Variants in CEP68 observed in about 807,000 individuals in gnomAD.
CEP68 encodes centrosomal protein 68.
Under a neutral mutation model 55.3 loss-of-function variants are expected in CEP68, and 26 were observed. The observed-to-expected ratio is 0.47, with a 90% CI of 0.34 to 0.65. The LOEUF (loss-of-function observed/expected upper bound fraction) is 0.65, where lower values mean the gene tolerates loss of function less well. CEP68 is among the 30% of genes least tolerant of loss of function. The pLI is 0.01. For synonymous variants in CEP68, 402 were observed against 383.2 expected, an observed-to-expected ratio of 1.05 and a Z score of -0.57; for missense variants, 957 against 946.7, an observed-to-expected ratio of 1.01 and a Z score of -0.14.
chr2:65,067,076 T>TAAA (rs1374343163), intron 1 of CEP68, among the ~76,000 whole-genome samples: 7 of 143,064 alleles, frequency 4.9e-5, no homozygotes, highest in African/African-American at 1.8e-4. Context: ...TACTTTTATG[T>TAAA]AAAAAAAAAA....
intron 2 of CEP68, chr2:65,070,918 A>C (rs1676429124): frequency 6.4e-6 from 1 of 155,342 alleles, no homozygotes; most frequent in Non-Finnish European, 1.4e-5. Context: ...GTCCTTCAAC[A>C]CTGTGCTGTC....
At chr2:65,078,004 C>A in intron 5 of CEP68, 40 bp downstream of exon 5, 1 of 1,509,276 alleles carries the variant, frequency 6.6e-7, no homozygotes, top group Non-Finnish European at 9.2e-7. Context: ...AGAGCTTAAT[C>A]CCTGTCAGCA....
intron 1 of CEP68, among the ~76,000 whole-genome samples, chr2:65,062,264 T>C (rs1322007130): frequency 6.6e-6 from 1 of 152,196 alleles, no homozygotes; most frequent in Non-Finnish European, 1.5e-5. Context: ...CCAGGTGCGG[T>C]GACTCCCGCC....
intron 1 of CEP68, among the ~76,000 whole-genome samples, chr2:65,066,745 A>AATATATATATAT (rs1553384179): frequency 1.7e-4 from 10 of 58,394 alleles, no homozygotes; most frequent in Non-Finnish European, 2.1e-4. Context: ...AAAAAAAAAA[A>AATATATATATAT]ATATATATAT....
In CEP68 at chr2:65,072,231, C is replaced by T. The variant is rs774988713; in HGVS notation, c.1135C>T (p.Pro379Ser). Reference protein sequence around the residue: ...GPREPSLKQWPSRVPQKQGGM... With the variant: ...GPREPSLKQWSSRVPQKQGGM... ...CAGAGAGCCAAGCCTTAAGCAGTGG[C>T]CCTCCAGAGTACCCCAGAAACAGGG... Residue 379 changes from proline (P) to serine (S), a missense_variant, in exon 3 of 7, where the codon CCC becomes TCC. Pro to Ser is a moderately conservative substitution (Grantham distance 74). Coordinates refer to ENST00000377990, the MANE Select transcript of CEP68 (RefSeq NM_015147.3). The T allele has an allele frequency of 1.9e-6, 3 of 1,614,128 alleles. No homozygotes were observed. Among genetic ancestry groups the T allele is most frequent in the Non-Finnish European group, 2.5e-6 (3 of 1,180,024 alleles).
rs1457583185 is a variant in CEP68, at chr2:65,072,940, G to A, written c.1844G>A (p.Gly615Glu). ...PDVEGQLPRKGGEQGKESLVQ... is the reference protein window; with the variant it reads ...PDVEGQLPRKEGEQGKESLVQ... ...GTTGAAGGGCAGCTTCCCAGGAAAG[G>A]AGGAGAACAGGGAAAAGAATCACTG... Residue 615 changes from glycine to glutamate, a missense_variant, in exon 3 of 7, where the codon GGA (glycine) becomes GAA (glutamate). Gly to Glu is a moderately conservative substitution (Grantham distance 98). Transcript: ENST00000377990. 1 of 1,603,126 alleles carries A rather than the reference G, an allele frequency of 6.2e-7. No individual in the cohort carries two copies. Among genetic ancestry groups the A allele is most frequent in the South Asian group, 1.1e-5 (1 of 91,064 alleles).
At chr2:65,057,210 C>T (rs1478930638) in intron 1 of CEP68, among the ~76,000 whole-genome samples, 3 of 152,192 alleles carry the variant, frequency 2.0e-5, no homozygotes, top group Non-Finnish European at 4.4e-5. Flanking sequence ...TGAGCGGAAG[C>T]CTGCCAGGGC....
In CEP68 at chr2:65,069,544, C is replaced by T; in HGVS notation, c.100C>T (p.Pro34Ser). The T allele has an allele frequency of 6.2e-7, 1 of 1,608,632 alleles. No homozygotes were observed. The highest frequency in any genetic ancestry group is 1.1e-5 in the South Asian group (1 of 90,514). Reference sequence around the variant, plus strand: ...CTGCAGGGAGCGGGAGCTGGACATCCCAGGGCCCATGAGTGGGGAGCAGCC... The same window carrying T: ...CTGCAGGGAGCGGGAGCTGGACATCTCAGGGCCCATGAGTGGGGAGCAGCC... ...GSCRERELDIPGPMSGEQPPR... is the reference protein window; with the variant it reads ...GSCRERELDISGPMSGEQPPR... Residue 34 changes from proline to serine, a missense_variant, in exon 2 of 7, where the codon CCA becomes TCA. By Grantham distance (74) the Pro-to-Ser change is moderately conservative (BLOSUM62 -1). Coordinates refer to ENST00000377990, the MANE Select transcript of CEP68 (RefSeq NM_015147.3).
chr2:65,061,114 T>C (rs1434551205), intron 1 of CEP68, among the ~76,000 whole-genome samples: 2 of 151,364 alleles, frequency 1.3e-5, no homozygotes, highest in Non-Finnish European at 2.9e-5. Flanking sequence ...GAGGTGGAGG[T>C]TGCAGTGAGA....
chr2:65,077,115 C>T (rs1198854347), intron 4 of CEP68, among the ~76,000 whole-genome samples: 1 of 151,528 alleles, frequency 6.6e-6, no homozygotes, highest in East Asian at 1.9e-4. Context: ...CCTGCCTCAC[C>T]CTCCCGAGTA....
chr2:65,067,450 A>G (rs770100062), intron 1 of CEP68, among the ~76,000 whole-genome samples: 25 of 152,176 alleles, frequency 1.6e-4, no homozygotes, highest in Admixed American at 1.0e-3. Context: ...GTCATACACA[A>G]AACTAGTAAG....
intron 1 of CEP68, among the ~76,000 whole-genome samples, chr2:65,062,830 C>CT (rs1291047198): frequency 7.7e-6 from 1 of 130,282 alleles, no homozygotes; most frequent in African/African-American, 3.1e-5. Flanking sequence ...GAGCGAGACT[C>CT]TATCTCAAAA....
At chr2:65,076,891 T>G (rs1676787449) in intron 4 of CEP68, among the ~76,000 whole-genome samples, 2 of 151,714 alleles carry the variant, frequency 1.3e-5, no homozygotes, top group South Asian at 4.2e-4. Context: ...CTGGGCAAAA[T>G]AGTGAGACCC....
At chr2:65,069,990 T>C (rs1310264658) in intron 2 of CEP68, among the ~76,000 whole-genome samples, 189 bp downstream of exon 2, 3 of 152,204 alleles carry the variant, frequency 2.0e-5, no homozygotes, top group Non-Finnish European at 2.9e-5. Flanking sequence ...CCGGGGGGAC[T>C]GTCCACGGTT....
chr2:65,082,415 T>C, intron 5 of CEP68, 121 bp from the exon 6 acceptor site: 1 of 773,046 alleles, frequency 1.3e-6, no homozygotes, highest in Non-Finnish European at 1.8e-6. Context: ...ATTCAGAAAC[T>C]ACTGCCAGGT....
At position 65,072,994 on chromosome 2, in the gene CEP68, A is replaced by G. The variant is rs771359878; in HGVS notation, c.1884+14A>G. ...CAATGTGTGAAGGTAATGACACTCAACGTTAGGAAGCTTTGTGTACAGGTG... is the reference window on the plus strand; with the variant it reads ...CAATGTGTGAAGGTAATGACACTCAGCGTTAGGAAGCTTTGTGTACAGGTG... On this transcript the variant is annotated intron_variant, in intron 3 of 6. Transcript: ENST00000377990. 30 of 1,613,748 alleles carry G rather than the reference A, an allele frequency of 1.9e-5. No homozygotes were observed. In the East Asian group the frequency reaches 2.7e-4, roughly 14 times the overall value.
intron 2 of CEP68, among the ~76,000 whole-genome samples, chr2:65,070,332 G>A (rs909013550): frequency 1.3e-5 from 2 of 152,188 alleles, no homozygotes; most frequent in African/African-American, 4.8e-5. Context: ...CCTAGTGGGA[G>A]TCACATGGGG....
intron 4 of CEP68, chr2:65,075,256 A>G (rs1392996523): frequency 1.8e-5 from 2 of 108,374 alleles, no homozygotes; most frequent in African/African-American, 1.6e-4. Context: ...GTCTCTACAG[A>G]AAAAAAAAAA....
chr2:65,069,613 G>A lies in CEP68; in HGVS notation c.169G>A (p.Gly57Arg), dbSNP rs1359663454. The A allele has an allele frequency of 1.2e-6, 2 of 1,613,974 alleles. No individual in the cohort carries two copies. The highest frequency in any genetic ancestry group is 1.7e-6 in the Non-Finnish European group (2 of 1,180,020). ...GGGAGGGCTCATCTCCCCTGTATGG[G>A]GGGCAGAAGGGATACCTGCCCCTAC... Reference protein sequence around the residue: ...AEGGLISPVWGAEGIPAPTCW... With the variant: ...AEGGLISPVWRAEGIPAPTCW... Residue 57 changes from glycine to arginine, a missense_variant, in exon 2 of 7, where the codon GGG becomes AGG. Physicochemically the swap from Gly to Arg is moderately radical, Grantham distance 125. Transcript: ENST00000377990.
Sources: allele counts gnomAD v4.1 joint callset (sites outside exome capture counted in the v4.1 genomes callset), GRCh38; gene constraint gnomAD v4.1.1; transcripts MANE v1.5; gene names NCBI Gene and HGNC (gene_info 2026-07-23, HGNC 2026-07-21).